Variants in NAAA observed in about 807,000 individuals in gnomAD.
NAAA encodes N-acylethanolamine acid amidase, also known as N-acylethanolamine-hydrolyzing acid amidase.
NAAA carries 39 observed loss-of-function variants against 44.8 expected under a neutral mutation model. The ratio of observed to expected loss-of-function variants is 0.87; its 90% CI spans 0.67 to 1.14. The LOEUF (loss-of-function observed/expected upper bound fraction) is 1.14. Ranked by LOEUF, NAAA falls within the 50% of genes most tolerant of loss-of-function variation. NAAA has a pLI of 0.00. For missense variants in NAAA, 460 were observed against 467.8 expected (o/e 0.98, Z 0.15); for synonymous variants, 178 against 191.3 (o/e 0.93, Z 0.58).
At chr4:75,911,460 C>G, downstream of NAAA, 1 of 459,478 alleles carries the variant, frequency 2.2e-6, no homozygotes, top group Non-Finnish European at 4.5e-6. Context: ...ATCAGTCTCT[C>G]CAAGAACTCA....
At chr4:75,930,416 T>A (rs1452992492) in intron 4 of NAAA, 14 of 506,624 alleles carry the variant, frequency 2.8e-5, no homozygotes, top group Non-Finnish European at 4.7e-5. Flanking sequence ...CACAGCCTAT[T>A]TCTTTCTCTG....
chr4:75,935,824 G>A, intron 3 of NAAA: 1 of 483,538 alleles, frequency 2.1e-6, no homozygotes, highest in Non-Finnish European at 3.6e-6. Context: ...GCAGAGGAAA[G>A]AGCTGACTCT....
intron 3 of NAAA, 177 bp downstream of exon 3, chr4:75,935,932 C>T (rs760457314): frequency 9.2e-5 from 63 of 686,694 alleles, no homozygotes; most frequent in Non-Finnish European, 1.1e-4. Context: ...AATAAATGAC[C>T]GTCCTTCCTA....
At chr4:75,919,856 A>T (rs1313582847) in intron 8 of NAAA, 53 bp downstream of exon 8, 5 of 1,500,770 alleles carry the variant, frequency 3.3e-6, no homozygotes, top group Non-Finnish European at 4.6e-6. Context: ...CATATTCACT[A>T]TTAACAAAAC....
intron 9 of NAAA, chr4:75,917,194 AG>A: frequency 1.7e-6 from 1 of 592,986 alleles, no homozygotes; most frequent in Non-Finnish European, 2.1e-6. Context: ...CCCGCTATGA[AG>A]GGTACAGTCA....
chr4:75,936,835 A>G (rs1320031852), intron 2 of NAAA, among the ~76,000 whole-genome samples: 1 of 152,226 alleles, frequency 6.6e-6, no homozygotes, highest in Admixed American at 6.5e-5. Context: ...TGAGAAAAAG[A>G]GGAGGAGGCT....
chr4:75,932,146 T>G (rs990298759), intron 3 of NAAA, among the ~76,000 whole-genome samples: 1 of 152,180 alleles, frequency 6.6e-6, no homozygotes, highest in African/African-American at 2.4e-5. Context: ...GGAGAATCAC[T>G]TGAACCCGGG....
At chr4:75,918,936 A>G in intron 8 of NAAA, 147 bp from the exon 9 acceptor site, 1 of 695,788 alleles carries the variant, frequency 1.4e-6, no homozygotes, top group East Asian at 2.7e-5. Flanking sequence ...CAAGCCCAGG[A>G]GTTCAAGACC....
rs1726027885 is a variant in NAAA at position 75,920,292 on chromosome 4, T to G, written c.903-317A>C. ...TATAGCTACCTGCACTTTGGAACTG[T>G]GCTGACTTATAATTATAGAATGTTT... On this transcript the variant is annotated intron_variant, in intron 7 of 10. Transcript: ENST00000286733. Among the ~76,000 whole-genome samples the G allele has an allele frequency of 2.0e-5, 3 of 152,324 alleles. No individual in the cohort carries two copies. The South Asian group carries it at 6.2e-4, about 32-fold the overall frequency.
intron 2 of NAAA, 148 bp downstream of exon 2, chr4:75,939,853 C>T (rs1578094511): frequency 1.2e-6 from 1 of 836,542 alleles, no homozygotes; most frequent in East Asian, 2.6e-5. Flanking sequence ...CAGATTTACC[C>T]AGAGAGGCAA....
In NAAA at chr4:75,940,026, C is replaced by T. The variant is rs1578095279; in HGVS notation, c.346G>A (p.Val116Ile). Residue 116 changes from valine to isoleucine, a missense_variant, in exon 2 of 11, where the codon GTC becomes ATC. Val to Ile is a conservative substitution (Grantham distance 29, BLOSUM62 3). Coordinates refer to ENST00000286733, the MANE Select transcript of NAAA (RefSeq NM_014435.4). ...MNLSLADCLL[V>I]NLAYESSVFC... ...ACGGAGGACTCGTAGGCCAGGTTGA[C>T]CAGAAGGCAGTCCGCCAGGCTGAGG... 2 of 1,613,980 alleles carry T rather than the reference C, an allele frequency of 1.2e-6. No individual in the cohort carries two copies.
At chr4:75,917,099 T>C (rs1020859347) in intron 9 of NAAA, 5 of 958,678 alleles carry the variant, frequency 5.2e-6, no homozygotes, top group Non-Finnish European at 5.0e-6. Flanking sequence ...ATCACTTCTA[T>C]AATTACCTAA....
intron 3 of NAAA, 75 bp downstream of exon 3, chr4:75,936,034 C>A: frequency 1.3e-6 from 2 of 1,560,768 alleles, no homozygotes; most frequent in Non-Finnish European, 1.8e-6. Flanking sequence ...CTTAAGTTAG[C>A]AGGCCATCCA....
rs1458605447 is a variant in NAAA at position 75,940,899 on chromosome 4, C to T, written c.51G>A (p.Leu17=). 2 of 1,536,956 alleles carry T rather than the reference C, an allele frequency of 1.3e-6. No homozygotes were observed. The highest frequency in any genetic ancestry group is 2.4e-5 in the South Asian group (2 of 84,372). The change falls in exon 1 of 11, where the codon CTG becomes CTA. Residue 17 remains leucine, a synonymous_variant. Coordinates refer to ENST00000286733, the MANE Select transcript of NAAA (RefSeq NM_014435.4). Reference sequence around the variant, plus strand: ...ACAGCCCGGCCCCGGCCAGCAGCAGCAGCAGCAGGGACGGAAGCCCCGGGC... The same window carrying T: ...ACAGCCCGGCCCCGGCCAGCAGCAGTAGCAGCAGGGACGGAAGCCCCGGGC... ...EARPGLPSLL[L]LLLAGAGLSA... is the part of the protein sequence containing the mutation.
intron 5 of NAAA, among the ~76,000 whole-genome samples, chr4:75,923,658 G>T (rs1265122542): frequency 3.3e-5 from 5 of 151,178 alleles, no homozygotes; most frequent in African/African-American, 4.9e-5. Flanking sequence ...TCCTGCCTCA[G>T]CCACCCAAGG....
At chr4:75,930,507 A>G (rs1419806126) in intron 4 of NAAA, 1 of 518,320 alleles carries the variant, frequency 1.9e-6, no homozygotes, top group Non-Finnish European at 3.9e-6. Flanking sequence ...GTGAGGATGT[A>G]CATGGTAAAC....
chr4:75,921,001 C>A lies in NAAA; in HGVS notation c.789G>T (p.Arg263Ser). Residue 263 changes from arginine (R) to serine (S), a missense_variant, in exon 6 of 11, where the codon AGG (arginine) becomes AGT (serine). Arg to Ser is a moderately radical substitution (Grantham distance 110). Coordinates refer to ENST00000286733, the MANE Select transcript of NAAA (RefSeq NM_014435.4). ...AAATGTCTGCTGGGCCATCTCTGTTCCTCGTGATGACCACCCCCTCCCGGG... is the reference window on the plus strand; with the variant it reads ...AAATGTCTGCTGGGCCATCTCTGTTACTCGTGATGACCACCCCCTCCCGGG... ...TSPREGVVITRNRDGPADIWP... is the reference protein window; with the variant it reads ...TSPREGVVITSNRDGPADIWP... The A allele has an allele frequency of 6.2e-7, 1 of 1,611,820 alleles. No individual in the cohort carries two copies. Among genetic ancestry groups the A allele is most frequent in the South Asian group, 1.1e-5 (1 of 90,570 alleles).
intron 2 of NAAA, among the ~76,000 whole-genome samples, chr4:75,937,757 G>T (rs1419007468): frequency 6.6e-6 from 1 of 152,182 alleles, no homozygotes; most frequent in Non-Finnish European, 1.5e-5. Context: ...CAAAATGCTG[G>T]CAATGCAGGC....
At chr4:75,914,614 A>C (rs1246969799) in intron 10 of NAAA, among the ~76,000 whole-genome samples, 1 of 151,980 alleles carries the variant, frequency 6.6e-6, no homozygotes, top group Non-Finnish European at 1.5e-5. Context: ...CCTGACCTCA[A>C]GTGATCTGCC....
Sources: gnomAD v4.1 joint callset for allele counts (sites outside exome capture counted in the v4.1 genomes callset) on GRCh38, gnomAD v4.1.1 for gene constraint, MANE v1.5 for transcripts, NCBI Gene and HGNC (gene_info 2026-07-23, HGNC 2026-07-21) for gene names.